BTG4: variants seen among roughly 807,000 people sequenced by gnomAD.
BTG4 encodes the protein BTG anti-proliferation factor 4.
Under a neutral mutation model 19.3 loss-of-function variants are expected in BTG4, and 10 were observed. The ratio of observed to expected loss-of-function variants is 0.52; its 90% CI spans 0.32 to 0.88. BTG4 has a LOEUF of 0.88. BTG4 is among the 40% of genes least tolerant of loss of function. The pLI, the probability that BTG4 is intolerant of heterozygous loss-of-function variation, is 0.04. For missense variants in BTG4, 238 were observed against 281.9 expected (o/e 0.84, Z 1.11); for synonymous variants, 91 against 95.7 (o/e 0.95, Z 0.29).
At chr11:111,466,348 T>C (rs1863717869), downstream of BTG4, among the ~76,000 whole-genome samples, 2 of 152,226 alleles carry the variant, frequency 1.3e-5, no homozygotes, top group South Asian at 4.1e-4. Context: ...GTACAGATAT[T>C]GTAGGGAAGT....
At chr11:111,505,032 A>G (rs552338788) in intron 1 of BTG4, among the ~76,000 whole-genome samples, 2 of 151,980 alleles carry the variant, frequency 1.3e-5, no homozygotes, top group Non-Finnish European at 2.9e-5. Context: ...TGGTTAAAAT[A>G]ACCATATTAC....
the BTG4 span, chr11:111,448,537 A>T: frequency 6.5e-6 from 1 of 152,850 alleles, no homozygotes; most frequent in Non-Finnish European, 1.5e-5. Flanking sequence ...TCCTTCTGCC[A>T]CCTCTGCCCT....
the BTG4 span, among the ~76,000 whole-genome samples, chr11:111,407,723 T>C: frequency 1.3e-5 from 2 of 152,184 alleles, no homozygotes; most frequent in Non-Finnish European, 2.9e-5. Context: ...AGCCAGCTCA[T>C]AAGCATTATT....
At chr11:111,393,103 G>A in the BTG4 span, among the ~76,000 whole-genome samples, 1 of 152,158 alleles carries the variant, frequency 6.6e-6, no homozygotes, top group East Asian at 1.9e-4. Flanking sequence ...TCAACAATGA[G>A]TGCAAAGATT....
At chr11:111,504,779 T>C (rs1020276730) in intron 1 of BTG4, among the ~76,000 whole-genome samples, 2 of 152,040 alleles carry the variant, frequency 1.3e-5, no homozygotes, top group African/African-American at 4.8e-5. Context: ...AGTCTCAGGA[T>C]ACAAAATCAA....
downstream of BTG4, chr11:111,467,465 T>G (rs1863789205): frequency 7.9e-6 from 4 of 504,256 alleles, no homozygotes; most frequent in Non-Finnish European, 1.0e-5. Context: ...ATGCATTTAC[T>G]TCTCATCAAT....
At chr11:111,434,460 T>C in the BTG4 span, among the ~76,000 whole-genome samples, 1 of 152,092 alleles carries the variant, frequency 6.6e-6, no homozygotes, top group South Asian at 2.1e-4. Context: ...GATGAGTTGA[T>C]GGGTGCAGCA....
In BTG4 at chr11:111,494,933, ACTT is replaced by A. The variant is rs753280355; in HGVS notation, c.*199_*201del. On this transcript the variant is annotated 3_prime_UTR_variant, in exon 5 of 5. Coordinates refer to ENST00000692032, the MANE Select transcript of BTG4 (RefSeq NM_001367975.1). ...GGTACATTCACTGATGTTACATAAA[ACTT>A]CATGTAAAATTAAATAAGAATTAAA... The A allele has an allele frequency of 1.7e-5, 17 of 984,616 alleles. No homozygotes were observed. In the African/African-American group the frequency reaches 2.6e-4, roughly 15 times the overall value. 61.0% of individuals were successfully genotyped at this position (984,616 alleles called of 1,614,324 possible).
At chr11:111,452,121 G>C in the BTG4 span, among the ~76,000 whole-genome samples, 1 of 152,186 alleles carries the variant, frequency 6.6e-6, no homozygotes, top group Admixed American at 6.5e-5. Flanking sequence ...TGTGCTGTTA[G>C]TGCCACACAC....
chr11:111,493,488 C>T (rs1396241845), downstream of BTG4, among the ~76,000 whole-genome samples: 1 of 152,196 alleles, frequency 6.6e-6, no homozygotes, highest in East Asian at 1.9e-4. Context: ...TGCCAGCATC[C>T]TAAAGCCTAA....
At chr11:111,471,056 AAC>A (rs1224684916) in intron 5 of BTG4, among the ~76,000 whole-genome samples, 4 of 152,242 alleles carry the variant, frequency 2.6e-5, no homozygotes, top group Non-Finnish European at 5.9e-5. Flanking sequence ...CATTCTTATG[AAC>A]AAGAACATAT....
intron 5 of BTG4, among the ~76,000 whole-genome samples, chr11:111,480,865 A>G (rs747966275): frequency 1.3e-5 from 2 of 151,346 alleles, no homozygotes; most frequent in Non-Finnish European, 3.0e-5. Flanking sequence ...TCAATTCAAT[A>G]ATCTTAGCTT....
At position 111,501,256 on chromosome 11, in the gene BTG4, C is replaced by T. The variant is rs113119677; in HGVS notation, c.-26-2454G>A. Among the ~76,000 whole-genome samples, 1,035 of 152,080 alleles carry T rather than the reference C, an allele frequency of 6.8e-3. 9 individuals carry two copies. The highest frequency in any genetic ancestry group is 0.023 in the African/African-American group (968 of 41,466). ...GCATGTACCTGTAGCCCTAGCTACT[C>T]GAAAGGCTGAGGTGGGAAGATCACT... On this transcript the variant is annotated intron_variant, in intron 1 of 4. Coordinates refer to ENST00000692032, the MANE Select transcript of BTG4 (RefSeq NM_001367975.1).
At chr11:111,401,187 A>T in the BTG4 span, 6 of 151,982 alleles carry the variant, frequency 3.9e-5, no homozygotes, top group African/African-American at 1.4e-4. Context: ...ATAAGTTGAT[A>T]ATATTAAAGA....
intron 1 of BTG4, among the ~76,000 whole-genome samples, chr11:111,500,469 G>A (rs1350607554): frequency 6.6e-6 from 1 of 152,132 alleles, no homozygotes; most frequent in African/African-American, 2.4e-5. Flanking sequence ...TTTCCTATAT[G>A]TGCAGCCTAG....
intron 5 of BTG4, among the ~76,000 whole-genome samples, chr11:111,470,232 C>T (rs1334376301): frequency 1.3e-5 from 2 of 152,120 alleles, no homozygotes; most frequent in Admixed American, 6.5e-5. Flanking sequence ...AACAGGTGCA[C>T]ACCACCATCC....
chr11:111,436,231 C>G, the BTG4 span, among the ~76,000 whole-genome samples: 1 of 152,116 alleles, frequency 6.6e-6, no homozygotes, highest in Non-Finnish European at 1.5e-5. Flanking sequence ...AATCCAGCAC[C>G]CTGATTATCT....
At chr11:111,446,140 T>C in the BTG4 span, among the ~76,000 whole-genome samples, 3 of 152,090 alleles carry the variant, frequency 2.0e-5, no homozygotes, top group Non-Finnish European at 4.4e-5. Flanking sequence ...AGAAGGAAGG[T>C]TGACAACGTG....
At chr11:111,443,244 A>T in the BTG4 span, among the ~76,000 whole-genome samples, 5 of 152,356 alleles carry the variant, frequency 3.3e-5, no homozygotes, top group African/African-American at 4.8e-5. Context: ...GGTCATCAAA[A>T]ACAAGGAAAA....
Sources: gnomAD v4.1 joint callset for allele counts (sites outside exome capture counted in the v4.1 genomes callset) on GRCh38, gnomAD v4.1.1 for gene constraint, MANE v1.5 for transcripts, NCBI Gene and HGNC (gene_info 2026-07-23, HGNC 2026-07-21) for gene names.